PTPRD: variants seen among roughly 807,000 people sequenced by gnomAD.
PTPRD encodes protein tyrosine phosphatase receptor type D.
A neutral mutation model predicts 214.5 loss-of-function variants in PTPRD; 34 were observed. The observed-to-expected ratio is 0.16, with a 90% CI of 0.12 to 0.21. The LOEUF is 0.21. Among genes scored for constraint, PTPRD ranks in the 10% least tolerant of loss-of-function variants. The pLI is 1.00. For missense variants in PTPRD, 2,545 were observed against 2,398.7 expected (o/e 1.06, Z -1.27); for synonymous variants, 1,128 against 845.7 (o/e 1.33, Z -5.79).
At chr9:10,259,376 A>G (rs2093541735) in intron 3 of PTPRD, among the ~76,000 whole-genome samples, 1 of 152,054 alleles carries the variant, frequency 6.6e-6, no homozygotes, top group Admixed American at 6.5e-5. Flanking sequence ...CCTCACCAAT[A>G]TGTGGTCATC....
intron 2 of PTPRD, among the ~76,000 whole-genome samples, chr9:10,421,095 T>C (rs567548750): frequency 2.0e-5 from 3 of 151,930 alleles, no homozygotes; most frequent in African/African-American, 7.2e-5. Context: ...CAAAAAAATC[T>C]CATAATGTCT....
At chr9:9,129,629 G>A (rs1028229187) in intron 10 of PTPRD, among the ~76,000 whole-genome samples, 1 of 152,056 alleles carries the variant, frequency 6.6e-6, no homozygotes, top group Non-Finnish European at 1.5e-5. Flanking sequence ...TGGTAGCTGT[G>A]CCACTCCAAC....
chr9:8,677,978 A>G (rs1332852073), intron 12 of PTPRD, among the ~76,000 whole-genome samples: 2 of 152,138 alleles, frequency 1.3e-5, no homozygotes, highest in African/African-American at 2.4e-5. Context: ...TTGTGGGTGC[A>G]GGCCTGCAGG....
chr9:10,162,760 A>G (rs1380267769), intron 3 of PTPRD, among the ~76,000 whole-genome samples: 1 of 140,944 alleles, frequency 7.1e-6, no homozygotes, highest in African/African-American at 2.6e-5. Flanking sequence ...CATATATATA[A>G]ATATATATGG....
At chr9:10,555,165 C>A (rs566209653) in intron 2 of PTPRD, among the ~76,000 whole-genome samples, 25 of 152,264 alleles carry the variant, frequency 1.6e-4, no homozygotes, top group South Asian at 2.1e-4. Context: ...CTTTCCACTG[C>A]AACCTAAAAT....
chr9:10,246,106 G>T (rs774271369), intron 3 of PTPRD, among the ~76,000 whole-genome samples: 13 of 151,894 alleles, frequency 8.6e-5, no homozygotes, highest in Non-Finnish European at 1.9e-4. Flanking sequence ...CACAATAATG[G>T]TTAAAAGAAT....
At chr9:9,052,660 C>T (rs1016812064) in intron 10 of PTPRD, among the ~76,000 whole-genome samples, 3 of 152,148 alleles carry the variant, frequency 2.0e-5, no homozygotes, top group Non-Finnish European at 2.9e-5. Context: ...TGTTACATAG[C>T]GTCTCAACAA....
At chr9:10,555,624 T>C (rs957334889) in intron 2 of PTPRD, among the ~76,000 whole-genome samples, 1 of 152,210 alleles carries the variant, frequency 6.6e-6, no homozygotes, top group African/African-American at 2.4e-5. Flanking sequence ...ATTACCGGCC[T>C]TGAAAATGTA....
intron 3 of PTPRD, among the ~76,000 whole-genome samples, chr9:10,298,495 C>G (rs1049146871): frequency 1.2e-4 from 18 of 152,040 alleles, no homozygotes; most frequent in African/African-American, 4.3e-4. Flanking sequence ...TAAAATGCAT[C>G]TTTTCATTCT....
intron 3 of PTPRD, among the ~76,000 whole-genome samples, chr9:10,305,947 A>C (rs2154411398): frequency 6.6e-6 from 1 of 152,238 alleles, no homozygotes; most frequent in African/African-American, 2.4e-5. Context: ...ATTATAAATT[A>C]TTCTACTATA....
chr9:10,458,369 A>G (rs930945533), intron 2 of PTPRD, among the ~76,000 whole-genome samples: 7 of 152,156 alleles, frequency 4.6e-5, no homozygotes, highest in Non-Finnish European at 1.5e-5. Context: ...ATTTATCCTT[A>G]TCTAAAAGGT....
At chr9:9,156,545 G>T (rs1028900452) in intron 10 of PTPRD, among the ~76,000 whole-genome samples, 3 of 151,910 alleles carry the variant, frequency 2.0e-5, no homozygotes, top group Non-Finnish European at 4.4e-5. Flanking sequence ...ACACATAATT[G>T]ATTAGACCAA....
intron 11 of PTPRD, among the ~76,000 whole-genome samples, chr9:8,807,544 C>G (rs1358373430): frequency 6.6e-6 from 1 of 151,224 alleles, no homozygotes; most frequent in Non-Finnish European, 1.5e-5. Flanking sequence ...GAAAGTTTCA[C>G]TAGTTTTCTG....
At chr9:10,424,956 T>C (rs2098598580) in intron 2 of PTPRD, among the ~76,000 whole-genome samples, 1 of 152,024 alleles carries the variant, frequency 6.6e-6, no homozygotes, top group Non-Finnish European at 1.5e-5. Context: ...TATATTACTT[T>C]AGTGTTGCAT....
At chr9:9,286,873 A>AATATAT (rs34631864) in intron 9 of PTPRD, among the ~76,000 whole-genome samples, 77 of 77,038 alleles carry the variant, frequency 1.0e-3, no homozygotes, top group Non-Finnish European at 1.3e-3. Context: ...GAAACTACTG[A>AATATAT]ATATATATAT....
At chr9:8,338,679 A>G (rs1849322538) in intron 43 of PTPRD, among the ~76,000 whole-genome samples, 1 of 152,072 alleles carries the variant, frequency 6.6e-6, no homozygotes, top group Non-Finnish European at 1.5e-5. Flanking sequence ...GTGCATCCCC[A>G]AGGTTGAGCT....
chr9:9,272,077 C>A (rs1470661887), intron 9 of PTPRD, among the ~76,000 whole-genome samples: 1 of 150,902 alleles, frequency 6.6e-6, no homozygotes, highest in Non-Finnish European at 1.5e-5. Flanking sequence ...AGCAATTCCC[C>A]CCACCCCATA....
chr9:10,472,898 A>ATAGTTTTTAAAAAAATTT, intron 2 of PTPRD, among the ~76,000 whole-genome samples: 1 of 152,170 alleles, frequency 6.6e-6, no homozygotes, highest in South Asian at 2.1e-4. Flanking sequence ...TAAAAAAATT[A>ATAGTTTTTAAAAAAATTT]TAGTATTTAA....
intron 11 of PTPRD, among the ~76,000 whole-genome samples, chr9:8,815,132 C>A (rs1357480643): frequency 6.7e-6 from 1 of 148,750 alleles, no homozygotes; most frequent in East Asian, 2.0e-4. Context: ...ATTTTCTCTT[C>A]ATTTTTATTG....
Sources: allele counts gnomAD v4.1 joint callset (sites outside exome capture counted in the v4.1 genomes callset), GRCh38; gene constraint gnomAD v4.1.1; transcripts MANE v1.5; gene names NCBI Gene and HGNC (gene_info 2026-07-23, HGNC 2026-07-21).